The following PPIG variants were observed in gnomAD, a reference collection of about 807,000 sequenced individuals.
PPIG encodes peptidyl-prolyl cis-trans isomerase G.
PPIG carries 26 observed loss-of-function variants against 87.9 expected under a neutral mutation model. That is an observed-to-expected ratio of 0.30 (90% CI 0.22 to 0.41). The LOEUF is 0.41. Among genes scored for constraint, PPIG ranks in the 10% least tolerant of loss-of-function variants. The probability of loss-of-function intolerance (pLI) is 1.00; values close to 1 mark genes in which losing one functional copy is unlikely to be tolerated. For synonymous variants in PPIG, 308 were observed against 276.5 expected (o/e 1.11, Z -1.13); for missense variants, 722 against 879.4 (o/e 0.82, Z 2.26).
chr2:169,605,369 GGT>G (rs1559179412), intron 4 of PPIG, among the ~76,000 whole-genome samples: 1 of 152,036 alleles, frequency 6.6e-6, no homozygotes, highest in Non-Finnish European at 1.5e-5. Flanking sequence ...TGGGTATGGT[GGT>G]GTGTGCCTGT....
chr2:169,637,470 A>T lies in PPIG; in HGVS notation c.2212A>T (p.Lys738Ter). 1 of 1,603,944 alleles carries T rather than the reference A, an allele frequency of 6.2e-7. No individual in the cohort carries two copies. The highest frequency in any genetic ancestry group is 8.5e-7 in the Non-Finnish European group (1 of 1,177,848). The change falls in exon 14 of 14, where the codon AAA (lysine) becomes TAA (stop). Residue 738 changes from lysine (K) to a stop codon, truncating the protein, a stop_gained. Coordinates refer to ENST00000260970, the MANE Select transcript of PPIG (RefSeq NM_004792.3). LOFTEE classifies it high-confidence loss of function. ...QENDHVHEKN[K>*]KFDHESSPGT... Reference sequence around the variant, plus strand: ...AAATGACCATGTACATGAAAAAAATAAAAAATTTGATCATGAATCAAGCCC... The same window carrying T: ...AAATGACCATGTACATGAAAAAAATTAAAAATTTGATCATGAATCAAGCCC...
intron 12 of PPIG, among the ~76,000 whole-genome samples, chr2:169,633,937 C>T (rs904432648): frequency 1.3e-4 from 20 of 151,522 alleles, no homozygotes. Context: ...TTCAAGCAGT[C>T]CTGCCTCAGC....
chr2:169,604,823 G>A (rs993657126), intron 4 of PPIG, among the ~76,000 whole-genome samples: 9 of 150,988 alleles, frequency 6.0e-5, no homozygotes, highest in South Asian at 2.1e-4. Context: ...GCGGTGAGCC[G>A]AGATCGTGCC....
chr2:169,617,715 CTT>C (rs771970303), intron 9 of PPIG, among the ~76,000 whole-genome samples: 1 of 152,192 alleles, frequency 6.6e-6, no homozygotes, highest in Non-Finnish European at 1.5e-5. Context: ...TATCCGGAGA[CTT>C]TGCTGAAGTT....
intron 1 of PPIG, among the ~76,000 whole-genome samples, chr2:169,598,640 A>C (rs982174041): frequency 2.6e-5 from 4 of 151,998 alleles, no homozygotes. Flanking sequence ...AGATTTTAGG[A>C]AATAGTTCTC....
chr2:169,595,601 A>T (rs1400926490), intron 1 of PPIG, among the ~76,000 whole-genome samples: 1 of 152,222 alleles, frequency 6.6e-6, no homozygotes, highest in East Asian at 1.9e-4. Flanking sequence ...CTACTCTCTT[A>T]TCTCCAAGAG....
intron 9 of PPIG, among the ~76,000 whole-genome samples, chr2:169,629,049 G>A (rs1685971739): frequency 6.6e-6 from 1 of 150,946 alleles, no homozygotes; most frequent in Admixed American, 6.6e-5. Flanking sequence ...TCACAAATCA[G>A]CTGTTAACCC....
chr2:169,591,236 T>A (rs1417175775), intron 1 of PPIG, among the ~76,000 whole-genome samples: 1 of 152,194 alleles, frequency 6.6e-6, no homozygotes, highest in Non-Finnish European at 1.5e-5. Context: ...TGGAAAATAG[T>A]TTATGTATGA....
intron 1 of PPIG, among the ~76,000 whole-genome samples, chr2:169,588,209 G>A (rs1284615386): frequency 1.3e-5 from 2 of 151,956 alleles, no homozygotes; most frequent in African/African-American, 4.8e-5. Flanking sequence ...TCCTTAACTC[G>A]TTTTAAAAAT....
At chr2:169,622,373 C>T (rs1206942625) in intron 9 of PPIG, among the ~76,000 whole-genome samples, 2 of 152,174 alleles carry the variant, frequency 1.3e-5, no homozygotes, top group African/African-American at 4.8e-5. Flanking sequence ...TGAATATTTG[C>T]CTAAAGGAGG....
Position 169,636,413 on chromosome 2 carries a change from G to T in PPIG, c.1155G>T (p.Lys385Asn). The change falls in exon 14 of 14, where the codon AAG (lysine) becomes AAT (asparagine). Residue 385 changes from lysine (K) to asparagine (N), a missense_variant and splice_region_variant. Transcript: ENST00000260970. The stretch of plus-strand genomic sequence containing the variant: ...CCCAATTCTTTTTCTTATTTTTTAG[G>T]AGTGAGTTGAATGAAATAAAAGAAA... ...SSGERWIKGDKSELNEIKENQ... is the reference protein window; with the variant it reads ...SSGERWIKGDNSELNEIKENQ... 6.6e-7 allele frequency: 1 copy of T among 1,517,958 alleles called. No individual in the cohort carries two copies. Among genetic ancestry groups the T allele is most frequent in the Non-Finnish European group, 8.8e-7 (1 of 1,131,154 alleles). The allele number at this position is 1,517,958 out of a possible 1,614,324, so 94.0% of individuals were successfully genotyped here.
chr2:169,603,435 C>G (rs1685237772), intron 1 of PPIG, among the ~76,000 whole-genome samples: 1 of 152,024 alleles, frequency 6.6e-6, no homozygotes, highest in Non-Finnish European at 1.5e-5. Context: ...AGCAAGTACC[C>G]TCATATGTAA....
In PPIG at chr2:169,631,634, C is replaced by T; in HGVS notation, c.762-132C>T. ...AGAGGAATAGAAGATTTTTCCCATGCGATCACATCTTTGGTAAGGACAGGA... is the reference window on the plus strand; with the variant it reads ...AGAGGAATAGAAGATTTTTCCCATGTGATCACATCTTTGGTAAGGACAGGA... On this transcript the variant is annotated intron_variant, in intron 10 of 13. Transcript: ENST00000260970. The T allele has an allele frequency of 6.8e-6, 10 of 1,462,336 alleles. No homozygotes were observed. In the Admixed American group the frequency reaches 8.2e-5, roughly 12 times the overall value. The allele number at this position is 1,462,336 out of a possible 1,614,324, so 90.6% of individuals were successfully genotyped here. A position where few individuals can be genotyped will look rare whatever the true frequency, so the allele number is the denominator to read the frequency against.
intron 11 of PPIG, among the ~76,000 whole-genome samples, chr2:169,632,243 G>T (rs929804836): frequency 3.3e-4 from 50 of 152,162 alleles, no homozygotes; most frequent in African/African-American, 1.2e-3. Flanking sequence ...GTGTTTTATA[G>T]TGTTATTTGT....
rs1275607187 is a variant in PPIG at position 169,637,309 on chromosome 2, G to C, written c.2051G>C (p.Arg684Thr). 7 of 1,607,380 alleles carry C rather than the reference G, an allele frequency of 4.4e-6. No individual in the cohort carries two copies. In the East Asian group the frequency reaches 1.6e-4, roughly 36 times the overall value. ...SNNSREKKADRDQSPFSKIKQ... is the reference protein window; with the variant it reads ...SNNSREKKADTDQSPFSKIKQ... Reference sequence around the variant, plus strand: ...AACAGCAGGGAAAAAAAGGCTGATAGAGATCAAAGTCCCTTCTCAAAAATA... The same window carrying C: ...AACAGCAGGGAAAAAAAGGCTGATACAGATCAAAGTCCCTTCTCAAAAATA... Residue 684 changes from arginine to threonine, a missense_variant, in exon 14 of 14, where the codon AGA becomes ACA. Physicochemically the swap from Arg to Thr is moderately conservative, Grantham distance 71. Transcript: ENST00000260970.
At chr2:169,595,595 T>C (rs968630455) in intron 1 of PPIG, among the ~76,000 whole-genome samples, 3 of 152,176 alleles carry the variant, frequency 2.0e-5, no homozygotes, top group Non-Finnish European at 2.9e-5. Flanking sequence ...GTCTCTCTAC[T>C]CTCTTATCTC....
chr2:169,609,011 GA>G (rs1439236631), intron 7 of PPIG, among the ~76,000 whole-genome samples: 1 of 151,338 alleles, frequency 6.6e-6, no homozygotes, highest in African/African-American at 2.4e-5. Flanking sequence ...GTGAACCCGG[GA>G]GGGGGAGCTT....
chr2:169,593,128 A>G (rs183225066), intron 1 of PPIG, among the ~76,000 whole-genome samples: 54,490 of 136,114 alleles, frequency 0.4, 10,358 homozygotes, highest in Admixed American at 0.52. Flanking sequence ...CTGTGTGTGT[A>G]TATATATATA....
intron 1 of PPIG, among the ~76,000 whole-genome samples, chr2:169,595,783 G>A (rs898598396): frequency 4.6e-5 from 7 of 152,202 alleles, no homozygotes; most frequent in Non-Finnish European, 1.0e-4. Flanking sequence ...TTGTGTATAT[G>A]TATCACAGTT....
Sources: gnomAD v4.1 joint callset for allele counts (sites outside exome capture counted in the v4.1 genomes callset) on GRCh38, gnomAD v4.1.1 for gene constraint, MANE v1.5 for transcripts, NCBI Gene and HGNC (gene_info 2026-07-23, HGNC 2026-07-21) for gene names.